The following KCNIP1 variants were observed in gnomAD, a reference collection of about 807,000 sequenced individuals.
KCNIP1 encodes A-type potassium channel modulatory protein KCNIP1.
In KCNIP1, 18 loss-of-function variants were observed where a neutral mutation model predicts 33.0. That is an observed-to-expected ratio of 0.55 (90% confidence interval 0.38 to 0.81). KCNIP1 has a LOEUF of 0.81. Among genes scored for constraint, KCNIP1 ranks in the 30% least tolerant of loss-of-function variants. KCNIP1 has a pLI of 0.00. For missense variants in KCNIP1, 238 were observed against 271.6 expected, an observed-to-expected ratio of 0.88 and a Z score of 0.87; for synonymous variants, 93 against 98.3, an observed-to-expected ratio of 0.95 and a Z score of 0.32.
At chr5:170,455,099 AAATAGGCAGCTCAGC>A (rs1351889370) in intron 1 of KCNIP1, among the ~76,000 whole-genome samples, 1 of 152,250 alleles carries the variant, frequency 6.6e-6, no homozygotes, top group Non-Finnish European at 1.5e-5. Flanking sequence ...AGGGATAAAT[AAATAGGCAGCTCAGC>A]AATATTTAGA....
intron 1 of KCNIP1, among the ~76,000 whole-genome samples, chr5:170,407,715 C>T (rs1022482289): frequency 3.3e-5 from 5 of 152,210 alleles, no homozygotes; most frequent in African/African-American, 7.2e-5. Flanking sequence ...CCACCCAACA[C>T]GCTTCCTGAG....
At chr5:170,363,183 A>G (rs983429660) in intron 1 of KCNIP1, among the ~76,000 whole-genome samples, 16 of 152,334 alleles carry the variant, frequency 1.1e-4, no homozygotes, top group African/African-American at 3.8e-4. Flanking sequence ...TAACTTGCCA[A>G]CATCACAGAT....
chr5:170,633,660 A>C (rs1760150413), intron 1 of KCNIP1, among the ~76,000 whole-genome samples: 1 of 137,806 alleles, frequency 7.3e-6, no homozygotes, highest in Non-Finnish European at 1.6e-5. Context: ...GAGAGGTCAG[A>C]GAGATGGCGG....
intron 1 of KCNIP1, among the ~76,000 whole-genome samples, chr5:170,533,188 A>AGTGT (rs35653673): frequency 2.2e-4 from 33 of 150,908 alleles, no homozygotes; most frequent in Admixed American, 5.3e-4. Flanking sequence ...AGGGTCACTG[A>AGTGT]GTGTGTGTGT....
At chr5:170,522,968 C>T (rs1755421072) in intron 1 of KCNIP1, among the ~76,000 whole-genome samples, 1 of 152,198 alleles carries the variant, frequency 6.6e-6, no homozygotes, top group Non-Finnish European at 1.5e-5. Flanking sequence ...CTGACACTCG[C>T]CAGTGCCTTA....
intron 1 of KCNIP1, among the ~76,000 whole-genome samples, chr5:170,675,160 C>T (rs961052074): frequency 6.6e-6 from 1 of 151,788 alleles, no homozygotes; most frequent in African/African-American, 2.4e-5. Flanking sequence ...ATTAGCTGGG[C>T]TTGCTGCCTG....
At chr5:170,608,471 G>A (rs1759018837) in intron 1 of KCNIP1, among the ~76,000 whole-genome samples, 1 of 152,154 alleles carries the variant, frequency 6.6e-6, no homozygotes, top group Non-Finnish European at 1.5e-5. Context: ...TGATGAAGAT[G>A]AAATTAACAC....
At chr5:170,388,187 A>T (rs1214747564) in intron 1 of KCNIP1, among the ~76,000 whole-genome samples, 2 of 152,194 alleles carry the variant, frequency 1.3e-5, no homozygotes, top group Admixed American at 1.3e-4. Context: ...GAAGTCTGGA[A>T]ACTTGGCTTA....
intron 1 of KCNIP1, among the ~76,000 whole-genome samples, chr5:170,509,517 AATAAGTGAGCAT>A (rs146980584): frequency 0.027 from 4,166 of 152,348 alleles, 195 homozygotes; most frequent in African/African-American, 0.095. Context: ...TCTGTAAGTG[AATAAGTGAGCAT>A]ATGCTTTAAC....
intron 1 of KCNIP1, among the ~76,000 whole-genome samples, chr5:170,415,122 G>C (rs1470856790): frequency 6.6e-6 from 1 of 152,144 alleles, no homozygotes; most frequent in East Asian, 1.9e-4. Flanking sequence ...TTTTCTGTGA[G>C]TAGACGCCAT....
At chr5:170,535,877 C>T (rs1366228607) in intron 1 of KCNIP1, among the ~76,000 whole-genome samples, 3 of 152,180 alleles carry the variant, frequency 2.0e-5, no homozygotes, top group African/African-American at 4.8e-5. Context: ...AACTGCCCTC[C>T]GCCTGTCTCA....
intron 1 of KCNIP1, among the ~76,000 whole-genome samples, chr5:170,456,490 GA>G (rs1256011111): frequency 1.3e-5 from 2 of 151,736 alleles, no homozygotes; most frequent in African/African-American, 2.4e-5. Context: ...TTTAAAAAAA[GA>G]AAAAACATCT....
intron 1 of KCNIP1, among the ~76,000 whole-genome samples, chr5:170,595,675 A>T (rs1375297876): frequency 6.6e-6 from 1 of 152,236 alleles, no homozygotes; most frequent in African/African-American, 2.4e-5. Flanking sequence ...TCTTTCTAAC[A>T]TCTCTGCAGG....
chr5:170,680,246 A>G (rs998020189), intron 1 of KCNIP1, among the ~76,000 whole-genome samples: 5 of 152,120 alleles, frequency 3.3e-5, no homozygotes, highest in African/African-American at 1.2e-4. Context: ...CCTTTTCCCC[A>G]TGTCAAGCAC....
chr5:170,471,480 T>G (rs917324467), intron 1 of KCNIP1, among the ~76,000 whole-genome samples: 4 of 152,214 alleles, frequency 2.6e-5, no homozygotes, highest in African/African-American at 9.7e-5. Flanking sequence ...TAGTTTGTTC[T>G]GATCCATCTC....
At chr5:170,721,726 CT>C (rs1763831022) in intron 3 of KCNIP1, 106 bp from the exon 4 acceptor site, 2 of 1,613,250 alleles carry the variant, frequency 1.2e-6, no homozygotes, top group Non-Finnish European at 1.7e-6. Context: ...TTCCATCACC[CT>C]AGCATCACTC....
At chr5:170,440,264 C>A (rs1221959053) in intron 1 of KCNIP1, among the ~76,000 whole-genome samples, 1 of 152,178 alleles carries the variant, frequency 6.6e-6, no homozygotes, top group Non-Finnish European at 1.5e-5. Context: ...GTTTAAGCCG[C>A]CCAGTCTGTG....
intron 1 of KCNIP1, among the ~76,000 whole-genome samples, chr5:170,696,481 T>A (rs2113826690): frequency 6.6e-6 from 1 of 152,278 alleles, no homozygotes; most frequent in East Asian, 1.9e-4. Context: ...GGGAGGGGTC[T>A]TGTCACATTG....
At chr5:170,531,216 T>C (rs1263450917) in intron 1 of KCNIP1, among the ~76,000 whole-genome samples, 1 of 152,180 alleles carries the variant, frequency 6.6e-6, no homozygotes, top group Non-Finnish European at 1.5e-5. Context: ...AGGGGAATTA[T>C]TATGATGATG....
Sources: gnomAD v4.1 joint callset for allele counts (sites outside exome capture counted in the v4.1 genomes callset) on GRCh38, gnomAD v4.1.1 for gene constraint, MANE v1.5 for transcripts, NCBI Gene and HGNC (gene_info 2026-07-23, HGNC 2026-07-21) for gene names.